The following KCNIP1 variants were observed in gnomAD, a reference collection of about 807,000 sequenced individuals.
KCNIP1 encodes the protein potassium voltage-gated channel interacting protein 1, also known as A-type potassium channel modulatory protein KCNIP1.
A neutral mutation model predicts 33.0 loss-of-function variants in KCNIP1; 18 were observed. The observed-to-expected ratio is 0.55, with a 90% confidence interval of 0.38 to 0.81. The LOEUF is 0.81. Among genes scored for constraint, KCNIP1 ranks in the 30% least tolerant of loss-of-function variants. The probability of loss-of-function intolerance (pLI) is 0.00; values close to 1 mark genes in which losing one functional copy is unlikely to be tolerated. For synonymous variants in KCNIP1, 93 were observed against 98.3 expected, an observed-to-expected ratio of 0.95 and a Z score of 0.32; for missense variants, 238 against 271.6, an observed-to-expected ratio of 0.88 and a Z score of 0.87.
chr5:170,505,273 C>T (rs1001739039), intron 1 of KCNIP1, among the ~76,000 whole-genome samples: 2 of 152,180 alleles, frequency 1.3e-5, no homozygotes, highest in South Asian at 2.1e-4. Context: ...TCTGCCTGGA[C>T]GCTGTTCCTT....
At chr5:170,360,862 C>T (rs1054313216) in intron 1 of KCNIP1, among the ~76,000 whole-genome samples, 3 of 152,214 alleles carry the variant, frequency 2.0e-5, no homozygotes, top group Non-Finnish European at 4.4e-5. Flanking sequence ...CGACTAAATG[C>T]TTTCCCTGCC....
chr5:170,507,128 G>A (rs1754752598), intron 1 of KCNIP1, among the ~76,000 whole-genome samples: 1 of 152,200 alleles, frequency 6.6e-6, no homozygotes, highest in Non-Finnish European at 1.5e-5. Flanking sequence ...TCTCACCAGA[G>A]CTGCTGCTAT....
chr5:170,479,145 G>A (rs181501035), intron 1 of KCNIP1, among the ~76,000 whole-genome samples: 27 of 152,316 alleles, frequency 1.8e-4, no homozygotes, highest in Non-Finnish European at 3.4e-4. Context: ...AGCTGGAGGC[G>A]CTGAGCAGGT....
chr5:170,363,110 T>C lies in KCNIP1; in HGVS notation c.88+9146T>C, dbSNP rs190773129. The stretch of plus-strand genomic sequence containing the variant: ...TGGGGGCTTTACAAGGATTCCTATA[T>C]TCAGTCCAGCCCTGTCTCTGTGAGT... On this transcript the variant is annotated intron_variant, in intron 1 of 7. Transcript: ENST00000377360. Among the ~76,000 whole-genome samples the C allele has an allele frequency of 6.6e-5, 10 of 152,354 alleles. No homozygotes were observed. In the East Asian group the frequency reaches 1.3e-3, roughly 21 times the overall value.
intron 1 of KCNIP1, among the ~76,000 whole-genome samples, chr5:170,578,812 T>C (rs976154793): frequency 6.6e-6 from 1 of 152,130 alleles, no homozygotes; most frequent in African/African-American, 2.4e-5. Flanking sequence ...GAAAAGAGGA[T>C]GTTTTGGCTA....
At chr5:170,592,823 G>T (rs1180520193) in intron 1 of KCNIP1, among the ~76,000 whole-genome samples, 1 of 152,198 alleles carries the variant, frequency 6.6e-6, no homozygotes, top group East Asian at 1.9e-4. Context: ...TAAGCATGTG[G>T]CTAGCATGTG....
chr5:170,479,689 T>C (rs1057239810), intron 1 of KCNIP1, among the ~76,000 whole-genome samples: 5 of 152,184 alleles, frequency 3.3e-5, no homozygotes, highest in Non-Finnish European at 7.3e-5. Context: ...TTTGCCCACA[T>C]GGGGGCTCTG....
At chr5:170,398,750 GCCCCACCCCAATC>G (rs1754821092) in intron 1 of KCNIP1, among the ~76,000 whole-genome samples, 1 of 152,204 alleles carries the variant, frequency 6.6e-6, no homozygotes, top group Non-Finnish European at 1.5e-5. Context: ...GGGGCTGAAT[GCCCCACCCCAATC>G]CCTCCCAGCC....
chr5:170,388,247 G>C (rs957770962), intron 1 of KCNIP1, among the ~76,000 whole-genome samples: 2 of 152,204 alleles, frequency 1.3e-5, no homozygotes, highest in African/African-American at 4.8e-5. Context: ...TGCCTGCACT[G>C]AGTGAGTTTA....
intron 1 of KCNIP1, among the ~76,000 whole-genome samples, chr5:170,530,082 T>A (rs1370333485): frequency 6.6e-6 from 1 of 152,236 alleles, no homozygotes; most frequent in Non-Finnish European, 1.5e-5. Flanking sequence ...CTGGTGTATT[T>A]GTTTGTCCTA....
chr5:170,652,498 A>AGGG (rs59160659), intron 1 of KCNIP1, among the ~76,000 whole-genome samples: 2 of 103,052 alleles, frequency 1.9e-5, no homozygotes, highest in Non-Finnish European at 3.6e-5. Context: ...AAAAAAAAAA[A>AGGG]AAGGAAGGAA....
At chr5:170,500,812 T>A (rs1469218095), upstream of KCNIP1, among the ~76,000 whole-genome samples, 6 of 152,236 alleles carry the variant, frequency 3.9e-5, no homozygotes, top group Non-Finnish European at 8.8e-5. Context: ...CTATTGTGCA[T>A]GTAAATATCT....
chr5:170,580,186 G>A (rs1192057163), intron 1 of KCNIP1, among the ~76,000 whole-genome samples: 1 of 152,136 alleles, frequency 6.6e-6, no homozygotes, highest in African/African-American at 2.4e-5. Context: ...TAGAGGTAAA[G>A]GGGATGGAGA....
At chr5:170,509,774 A>G (rs998517778) in intron 1 of KCNIP1, among the ~76,000 whole-genome samples, 7 of 152,246 alleles carry the variant, frequency 4.6e-5, no homozygotes, top group African/African-American at 4.8e-5. Context: ...GTTGAAAAAT[A>G]TAAATTCAGT....
intron 1 of KCNIP1, among the ~76,000 whole-genome samples, chr5:170,707,451 C>A (rs1763296664): frequency 6.6e-6 from 1 of 152,198 alleles, no homozygotes; most frequent in Non-Finnish European, 1.5e-5. Context: ...TTTGTTTCTT[C>A]AATCTTGGAA....
intron 1 of KCNIP1, among the ~76,000 whole-genome samples, chr5:170,577,253 G>A (rs1012128103): frequency 6.6e-6 from 1 of 152,212 alleles, no homozygotes; most frequent in African/African-American, 2.4e-5. Flanking sequence ...GATGCCGAGT[G>A]ACTCAATCTG....
intron 1 of KCNIP1, among the ~76,000 whole-genome samples, chr5:170,386,442 G>A (rs994868377): frequency 4.6e-5 from 7 of 152,292 alleles, no homozygotes; most frequent in South Asian, 4.1e-4. Flanking sequence ...GTTTGAGGCC[G>A]TCAGGTTTAT....
intron 1 of KCNIP1, among the ~76,000 whole-genome samples, chr5:170,630,518 G>A (rs534920853): frequency 3.5e-4 from 54 of 152,320 alleles, no homozygotes; most frequent in African/African-American, 1.2e-3. Context: ...GCCCAGAGGC[G>A]TCCATCAGGA....
At chr5:170,593,833 A>T (rs1470508231) in intron 1 of KCNIP1, among the ~76,000 whole-genome samples, 2 of 152,102 alleles carry the variant, frequency 1.3e-5, no homozygotes, top group African/African-American at 2.4e-5. Flanking sequence ...GAGTTTGGGG[A>T]TACATGTTTG....
Sources: allele counts gnomAD v4.1 joint callset (sites outside exome capture counted in the v4.1 genomes callset), GRCh38; gene constraint gnomAD v4.1.1; transcripts MANE v1.5; gene names NCBI Gene and HGNC (gene_info 2026-07-23, HGNC 2026-07-21).